The following PMF1 variants were observed in gnomAD, a reference collection of about 807,000 sequenced individuals.
PMF1 encodes the protein polyamine-modulated factor 1.
PMF1 carries 21 observed loss-of-function variants against 26.7 expected under a neutral mutation model. The observed-to-expected ratio is 0.79, with a 90% CI of 0.56 to 1.13. The LOEUF (loss-of-function observed/expected upper bound fraction) is 1.13. Ranked by LOEUF, PMF1 falls within the 50% of genes most tolerant of loss-of-function variation. The pLI, the probability that PMF1 is intolerant of heterozygous loss-of-function variation, is 0.00. For missense variants in PMF1, 266 were observed against 254.9 expected (o/e 1.04, Z -0.30); for synonymous variants, 105 against 101.0 (o/e 1.04, Z -0.24).
intron 3 of PMF1, among the ~76,000 whole-genome samples, chr1:156,235,025 G>A (rs1426428358): frequency 6.6e-6 from 1 of 152,130 alleles, no homozygotes; most frequent in Non-Finnish European, 1.5e-5. Context: ...AGAATCCTAG[G>A]CCAGAGGGAG....
At chr1:156,216,974 A>G (rs1657786620) in intron 1 of PMF1, among the ~76,000 whole-genome samples, 2 of 152,224 alleles carry the variant, frequency 1.3e-5, no homozygotes, top group African/African-American at 4.8e-5. Context: ...TCAGTAAACT[A>G]TCGCAAGAAC....
chr1:156,218,043 T>A (rs1657873879), intron 1 of PMF1, among the ~76,000 whole-genome samples: 1 of 152,258 alleles, frequency 6.6e-6, no homozygotes, highest in Non-Finnish European at 1.5e-5. Flanking sequence ...CTGGGTTTTT[T>A]ACCATTCTAA....
chr1:156,224,775 G>A (rs1451167952), intron 1 of PMF1, among the ~76,000 whole-genome samples: 1 of 151,338 alleles, frequency 6.6e-6, no homozygotes, highest in African/African-American at 2.4e-5. Flanking sequence ...AAAAAAAAAA[G>A]AAAATAAAAA....
chr1:156,230,387 C>A (rs1340810866), intron 1 of PMF1, among the ~76,000 whole-genome samples: 1 of 152,240 alleles, frequency 6.6e-6, no homozygotes, highest in Non-Finnish European at 1.5e-5. Flanking sequence ...TTAAACCACT[C>A]TCTACAAGAG....
At chr1:156,238,300 G>A (rs553568135) in intron 4 of PMF1, among the ~76,000 whole-genome samples, 12 of 152,196 alleles carry the variant, frequency 7.9e-5, no homozygotes, top group Admixed American at 1.3e-4. Context: ...AGAATGACTT[G>A]TAGAGCCTTC....
chr1:156,234,192 C>T (rs1398731852), intron 3 of PMF1, among the ~76,000 whole-genome samples: 1 of 152,214 alleles, frequency 6.6e-6, no homozygotes. Flanking sequence ...AGACACCAAA[C>T]AGTAAGCGAA....
At chr1:156,222,301 TC>T (rs1658127114) in intron 1 of PMF1, among the ~76,000 whole-genome samples, 1 of 152,158 alleles carries the variant, frequency 6.6e-6, no homozygotes, top group Non-Finnish European at 1.5e-5. Context: ...AGAACATCCT[TC>T]TCCTCATTTG....
intron 1 of PMF1, chr1:156,223,661 T>G (rs540803971): frequency 1.2e-4 from 18 of 151,478 alleles, no homozygotes; most frequent in African/African-American, 4.4e-4. Context: ...CATGCACATA[T>G]GTGCACGTGC....
intron 1 of PMF1, among the ~76,000 whole-genome samples, chr1:156,227,653 T>C (rs1658443340): frequency 6.9e-6 from 1 of 144,976 alleles, no homozygotes; most frequent in Non-Finnish European, 1.5e-5. Flanking sequence ...CCTACTACCA[T>C]GCCTGGCTCA....
intron 1 of PMF1, among the ~76,000 whole-genome samples, chr1:156,216,626 G>C (rs1377378627): frequency 6.6e-6 from 1 of 151,734 alleles, no homozygotes; most frequent in African/African-American, 2.4e-5. Context: ...GCCCGGGTCC[G>C]GGTCTCTGAC....
At chr1:156,213,473 A>AT (rs1398553379) in intron 1 of PMF1, among the ~76,000 whole-genome samples, 2 of 152,092 alleles carry the variant, frequency 1.3e-5, no homozygotes, top group African/African-American at 4.8e-5. Flanking sequence ...AGGGTTTTTT[A>AT]TTTTTTTATT....
chr1:156,231,142 G>A (rs1658675941), intron 1 of PMF1, among the ~76,000 whole-genome samples: 1 of 149,604 alleles, frequency 6.7e-6, no homozygotes, highest in Non-Finnish European at 1.5e-5. Context: ...GTGTGAACGC[G>A]GGAGGCGGAG....
chr1:156,227,901 G>A (rs1475640998), intron 1 of PMF1, among the ~76,000 whole-genome samples: 2 of 151,706 alleles, frequency 1.3e-5, no homozygotes, highest in Non-Finnish European at 2.9e-5. Flanking sequence ...AAAATGCTGG[G>A]ATTACAGGCG....
intron 3 of PMF1, among the ~76,000 whole-genome samples, chr1:156,236,036 GA>G (rs1658988582): frequency 6.6e-6 from 1 of 152,170 alleles, no homozygotes; most frequent in Non-Finnish European, 1.5e-5. Context: ...GTATGGTCGG[GA>G]AGGCTAAGAT....
intron 1 of PMF1, among the ~76,000 whole-genome samples, chr1:156,213,695 C>G (rs1657525446): frequency 6.6e-6 from 1 of 152,052 alleles, no homozygotes; most frequent in African/African-American, 2.4e-5. Context: ...TCTCCCTCGT[C>G]GGCTTCTTGT....
chr1:156,232,605 T>C (rs1205223872), intron 2 of PMF1, among the ~76,000 whole-genome samples, 180 bp downstream of exon 2: 1 of 152,176 alleles, frequency 6.6e-6, no homozygotes, highest in South Asian at 2.1e-4. Flanking sequence ...GCGGGTATCT[T>C]AGATGCAGCC....
At chr1:156,236,801 C>A (rs1659044252) in intron 4 of PMF1, 1 of 376,210 alleles carries the variant, frequency 2.7e-6, no homozygotes, top group South Asian at 5.7e-5. Context: ...GGAGTTAAAA[C>A]CTGGTGCTGG....
intron 3 of PMF1, among the ~76,000 whole-genome samples, chr1:156,235,721 G>A (rs561344368): frequency 2.0e-5 from 3 of 152,268 alleles, no homozygotes; most frequent in South Asian, 2.1e-4. Flanking sequence ...GATTACAGGC[G>A]TGAGCCACCA....
chr1:156,235,169 G>C (rs184020010), intron 3 of PMF1, among the ~76,000 whole-genome samples: 1 of 151,448 alleles, frequency 6.6e-6, no homozygotes, highest in Non-Finnish European at 1.5e-5. Flanking sequence ...GTCCAGGCCA[G>C]GCTAGAGTAC....
Sources: allele counts gnomAD v4.1 joint callset (sites outside exome capture counted in the v4.1 genomes callset), GRCh38; gene constraint gnomAD v4.1.1; transcripts MANE v1.5; gene names NCBI Gene and HGNC (gene_info 2026-07-23, HGNC 2026-07-21).